Variants in HTR4 observed in about 807,000 individuals in gnomAD.
HTR4 encodes the protein 5-hydroxytryptamine receptor 4.
HTR4 carries 16 observed loss-of-function variants against 36.8 expected under a neutral mutation model. The ratio of observed to expected loss-of-function variants is 0.43; its 90% confidence interval spans 0.29 to 0.66. HTR4 has a LOEUF of 0.66. HTR4 is among the 30% of genes least tolerant of loss of function. HTR4 has a pLI of 0.13. For synonymous variants in HTR4, 189 were observed against 185.1 expected, an observed-to-expected ratio of 1.02 and a Z score of -0.17; for missense variants, 438 against 490.9, an observed-to-expected ratio of 0.89 and a Z score of 1.02.
intron 6 of HTR4, among the ~76,000 whole-genome samples, chr5:148,495,389 TA>T (rs1756639980): frequency 6.6e-6 from 1 of 152,194 alleles, no homozygotes; most frequent in Non-Finnish European, 1.5e-5. Context: ...TCAGCACCGC[TA>T]GTCCCTTTTC....
In HTR4 at chr5:148,645,109, G is replaced by A. The variant is rs572871615; in HGVS notation, c.-47-8048C>T. ...TAAAGAAAAATGTCACACAGTTAAT[G>A]TTCCAGATGGTATGAAAAGGTGGCA... On this transcript the variant is annotated intron_variant, in intron 1 of 6. Coordinates refer to ENST00000377888, the MANE Select transcript of HTR4 (RefSeq NM_000870.7). 13 of 152,262 alleles carry A rather than the reference G, an allele frequency of 8.5e-5. No homozygotes were observed. The South Asian group carries it at 2.5e-3, about 29-fold the overall frequency. The allele number at this position is 152,262 out of a possible 1,614,324, so 9.4% of individuals were successfully genotyped here. A position where few individuals can be genotyped will look rare whatever the true frequency, so the allele number is the denominator to read the frequency against.
chr5:148,556,565 T>C (rs1449060877), intron 2 of HTR4, among the ~76,000 whole-genome samples: 5 of 152,194 alleles, frequency 3.3e-5, no homozygotes, highest in African/African-American at 4.8e-5. Context: ...GGGTTCATAG[T>C]ATGGATGGAA....
intron 2 of HTR4, among the ~76,000 whole-genome samples, chr5:148,619,640 C>T (rs1009980561): frequency 2.0e-5 from 3 of 152,066 alleles, no homozygotes; most frequent in African/African-American, 4.8e-5. Flanking sequence ...GCCTAGCCAT[C>T]GACACAATGC....
At chr5:148,526,685 T>C (rs1470383054) in intron 4 of HTR4, among the ~76,000 whole-genome samples, 1 of 152,102 alleles carries the variant, frequency 6.6e-6, no homozygotes. Flanking sequence ...TGATGGGATA[T>C]TATTCCATCA....
At chr5:148,479,982 C>G (rs996579019), downstream of HTR4, among the ~76,000 whole-genome samples, 4 of 152,106 alleles carry the variant, frequency 2.6e-5, no homozygotes, top group Admixed American at 6.6e-5. Context: ...CAAAAGTTAT[C>G]AGGTTCAATA....
chr5:148,468,309 G>C (rs1187930006), intron 5 of HTR4, among the ~76,000 whole-genome samples: 1 of 152,162 alleles, frequency 6.6e-6, no homozygotes, highest in African/African-American at 2.4e-5. Context: ...CAAACACCTG[G>C]ATAGCTCCCA....
chr5:148,629,083 C>T (rs1161444457), intron 2 of HTR4: 1 of 152,008 alleles, frequency 6.6e-6, no homozygotes, highest in African/African-American at 2.4e-5. Context: ...TGTAAAAAAT[C>T]TCATTAAAAT....
chr5:148,619,958 C>T (rs1234344090), intron 2 of HTR4, among the ~76,000 whole-genome samples: 3 of 152,046 alleles, frequency 2.0e-5, no homozygotes, highest in Non-Finnish European at 2.9e-5. Flanking sequence ...GTATTTTATG[C>T]TAAAAATACT....
downstream of HTR4, among the ~76,000 whole-genome samples, chr5:148,472,242 T>C (rs1755586773): frequency 6.6e-6 from 1 of 152,206 alleles, no homozygotes; most frequent in Non-Finnish European, 1.5e-5. Context: ...GCCCTGAGTC[T>C]ATTATTTTGC....
At chr5:148,644,427 T>G (rs1461101218) in intron 1 of HTR4, among the ~76,000 whole-genome samples, 44 of 120,160 alleles carry the variant, frequency 3.7e-4, no homozygotes, top group African/African-American at 1.4e-3. Context: ...CACAAGTTTT[T>G]TTTTTTTTTT....
intron 2 of HTR4, among the ~76,000 whole-genome samples, chr5:148,565,393 G>C (rs1238955989): frequency 6.6e-6 from 1 of 152,098 alleles, no homozygotes. Context: ...AAGAGATAAT[G>C]AGTAAGAATA....
chr5:148,549,134 C>T (rs557170034), intron 3 of HTR4, among the ~76,000 whole-genome samples: 1 of 152,182 alleles, frequency 6.6e-6, no homozygotes, highest in Non-Finnish European at 1.5e-5. Context: ...CTCTTTTTTC[C>T]TCCCCCTTCT....
At chr5:148,592,494 C>G (rs985498180) in intron 2 of HTR4, among the ~76,000 whole-genome samples, 2 of 152,126 alleles carry the variant, frequency 1.3e-5, no homozygotes, top group African/African-American at 4.8e-5. Context: ...CTAGTCTGTA[C>G]TGTTGCTGAA....
At chr5:148,490,656 G>T in intron 6 of HTR4, 1 of 1,167,184 alleles carries the variant, frequency 8.6e-7, no homozygotes, top group Non-Finnish European at 1.1e-6. Context: ...ACTGATATTC[G>T]GTCAATCAAC....
intron 5 of HTR4, among the ~76,000 whole-genome samples, chr5:148,459,915 A>G (rs114666521): frequency 5.0e-4 from 76 of 152,320 alleles, no homozygotes; most frequent in African/African-American, 1.8e-3. Flanking sequence ...GACATGCAAG[A>G]ACAGATGAGT....
Position 148,492,144 on chromosome 5 carries a change from C to T in HTR4, c.1077-8851G>A, listed in dbSNP as rs78548829. ...ATGCATAATCCCTTTTTACTGCGAG[C>T]GCTGATCTCTGAGGGCTGGTACACA... On this transcript the variant is annotated intron_variant, in intron 6 of 6. Coordinates refer to ENST00000377888, the MANE Select transcript of HTR4 (RefSeq NM_000870.7). Among the ~76,000 whole-genome samples, 27 of 152,268 alleles carry T rather than the reference C, an allele frequency of 1.8e-4. No individual in the cohort carries two copies. In the East Asian group the frequency reaches 4.8e-3, roughly 27 times the overall value.
intron 2 of HTR4, among the ~76,000 whole-genome samples, chr5:148,634,296 C>A (rs1421024956): frequency 6.6e-6 from 1 of 152,132 alleles, no homozygotes; most frequent in Non-Finnish European, 1.5e-5. Context: ...TCCTCTCTTC[C>A]AAACCCCATT....
chr5:148,615,742 T>TA (rs932563771), intron 2 of HTR4, among the ~76,000 whole-genome samples: 5 of 151,548 alleles, frequency 3.3e-5, no homozygotes, highest in Admixed American at 3.3e-4. Context: ...TAAAATAAAA[T>TA]AAAGCTCCTA....
intron 2 of HTR4, among the ~76,000 whole-genome samples, chr5:148,596,209 T>C (rs1761764252): frequency 6.6e-6 from 1 of 152,210 alleles, no homozygotes; most frequent in South Asian, 2.1e-4. Flanking sequence ...GTGAAAGTCT[T>C]AGTATGTGCC....
Sources: gnomAD v4.1 joint callset for allele counts (sites outside exome capture counted in the v4.1 genomes callset) on GRCh38, gnomAD v4.1.1 for gene constraint, MANE v1.5 for transcripts, NCBI Gene and HGNC (gene_info 2026-07-23, HGNC 2026-07-21) for gene names.